Variants in KCNN3 observed in about 807,000 individuals in gnomAD.
KCNN3 encodes small conductance calcium-activated potassium channel protein 3.
A neutral mutation model predicts 62.9 loss-of-function variants in KCNN3; 16 were observed. The ratio of observed to expected loss-of-function variants is 0.25; its 90% CI spans 0.17 to 0.39. KCNN3 has a LOEUF of 0.39. KCNN3 is among the 10% of genes least tolerant of loss of function. KCNN3 has a pLI of 1.00. For synonymous variants in KCNN3, 370 were observed against 389.2 expected (o/e 0.95, Z 0.58); for missense variants, 599 against 949.4 (o/e 0.63, Z 4.85).
At chr1:154,766,363 T>C (rs2101832787) in intron 3 of KCNN3, among the ~76,000 whole-genome samples, 1 of 142,390 alleles carries the variant, frequency 7.0e-6, no homozygotes, top group East Asian at 2.0e-4. Context: ...ATATTTATTA[T>C]AAATTACAGA....
intron 3 of KCNN3, among the ~76,000 whole-genome samples, chr1:154,761,631 T>C (rs1169793240): frequency 6.6e-6 from 1 of 151,862 alleles, no homozygotes; most frequent in African/African-American, 2.4e-5. Flanking sequence ...CCTACCTTAC[T>C]GTAATTTTCA....
rs78810389 is a variant in KCNN3 at position 154,703,170 on chromosome 1, A to T, written c.*4806T>A. On this transcript the variant is annotated 3_prime_UTR_variant, in exon 8 of 8. Coordinates refer to ENST00000271915, the MANE Select transcript of KCNN3 (RefSeq NM_002249.6). ...ATCTACATATTACTCGTCTAACAGG[A>T]GTTTAACATTAATTTCTATTCATGC... The T allele has an allele frequency of 3.4e-4, 51 of 152,218 alleles. No individual in the cohort carries two copies. The highest frequency in any genetic ancestry group is 1.2e-3 in the African/African-American group (50 of 41,526). 9.4% of individuals were successfully genotyped at this position (152,218 alleles called of 1,614,324 possible).
rs1332361881 is a variant in KCNN3, at chr1:154,809,596, G to T, written c.1029+12493C>A. ...GTTTAGATGAAGCTATTATACTCAG[G>T]CTCATCACATGTGGGAGGGCAGGAA... On this transcript the variant is annotated intron_variant, in intron 2 of 7. Transcript: ENST00000271915. This position sits in a 1 kb window ranked among gnomAD's most constrained non-coding sequence, Gnocchi z 4.3. Among the ~76,000 whole-genome samples the T allele has an allele frequency of 6.6e-6, 1 of 152,220 alleles. No homozygotes were observed. Among genetic ancestry groups the T allele is most frequent in the African/African-American group, 2.4e-5 (1 of 41,458 alleles).
chr1:154,805,962 C>T (rs1002395751), intron 2 of KCNN3, among the ~76,000 whole-genome samples: 1 of 152,148 alleles, frequency 6.6e-6, no homozygotes, highest in Non-Finnish European at 1.5e-5. Flanking sequence ...AACATAATGA[C>T]AGGGATCCTT....
intron 7 of KCNN3, among the ~76,000 whole-genome samples, chr1:154,711,628 C>T (rs1189487346): frequency 6.6e-6 from 1 of 152,038 alleles, no homozygotes; most frequent in Non-Finnish European, 1.5e-5. Context: ...CATCCTGGGG[C>T]AGTTTGTTGG....
intron 7 of KCNN3, among the ~76,000 whole-genome samples, chr1:154,712,358 C>T (rs1700096420): frequency 6.6e-6 from 1 of 152,066 alleles, no homozygotes; most frequent in African/African-American, 2.4e-5. Flanking sequence ...CTCCTAGGAA[C>T]CACCCTGCAC....
intron 2 of KCNN3, among the ~76,000 whole-genome samples, chr1:154,791,228 CA>C (rs534142359): frequency 0.069 from 4,092 of 59,682 alleles, 166 homozygotes; most frequent in African/African-American, 0.2. Context: ...GACTCCATCT[CA>C]AAAAAAAAAA....
At chr1:154,786,409 A>G (rs962456022) in intron 2 of KCNN3, among the ~76,000 whole-genome samples, 1 of 152,248 alleles carries the variant, frequency 6.6e-6, no homozygotes, top group African/African-American at 2.4e-5. Context: ...ATACACATCA[A>G]TAGGGAAACA....
intron 3 of KCNN3, among the ~76,000 whole-genome samples, 153 bp from the exon 4 acceptor site, chr1:154,733,297 G>A (rs1700638253): frequency 6.6e-6 from 1 of 152,176 alleles, no homozygotes; most frequent in Admixed American, 6.5e-5. Flanking sequence ...GGCTACTGAA[G>A]GGGCTGCAAC....
chr1:154,833,376 A>G lies in KCNN3; in HGVS notation c.934-11192T>C, dbSNP rs368209662. 3.9e-4 allele frequency among the ~76,000 whole-genome samples: 59 copies of G among 152,338 alleles called. No individual in the cohort carries two copies. The East Asian group carries it at 0.01, about 26-fold the overall frequency. ...TCTGGAGGCTGTTCTGGAGTTTCCC[A>G]GATAAAGAACAGCCTCGTCCGTGTT... On this transcript the variant is annotated intron_variant, in intron 1 of 7. Transcript: ENST00000271915.
At position 154,707,453 on chromosome 1, in the gene KCNN3, A is replaced by C. The variant is rs1699986294; in HGVS notation, c.*523T>G. ...TTTTTTTTTTTTTCAGTCTGATTCG[A>C]GTATATCTGTTTTGGCAAGTTGTGG... On this transcript the variant is annotated 3_prime_UTR_variant, in exon 8 of 8. Coordinates refer to ENST00000271915, the MANE Select transcript of KCNN3 (RefSeq NM_002249.6). 7.3e-6 allele frequency: 1 copy of C among 136,102 alleles called. No individual in the cohort carries two copies. The highest frequency in any genetic ancestry group is 2.7e-5 in the African/African-American group (1 of 36,460). The allele number at this position is 136,102 out of a possible 1,614,324, so 8.4% of individuals were successfully genotyped here. A position where few individuals can be genotyped will look rare whatever the true frequency, so the allele number is the denominator to read the frequency against.
intron 1 of KCNN3, among the ~76,000 whole-genome samples, chr1:154,839,296 T>C (rs768355262): frequency 5.3e-5 from 8 of 152,162 alleles, no homozygotes; most frequent in Non-Finnish European, 1.2e-4. Flanking sequence ...TCTGCGTACC[T>C]ACACCAGAAG....
intron 2 of KCNN3, among the ~76,000 whole-genome samples, chr1:154,791,101 T>C (rs950801069): frequency 4.6e-5 from 7 of 151,782 alleles, no homozygotes; most frequent in Non-Finnish European, 4.4e-5. Context: ...TGGTGGTGCA[T>C]GTCTGTAATC....
chr1:154,821,131 A>G (rs999666940), intron 2 of KCNN3, among the ~76,000 whole-genome samples: 3 of 152,216 alleles, frequency 2.0e-5, no homozygotes, highest in Admixed American at 1.3e-4. Context: ...CAGGAAGGTC[A>G]CAGGGCTGGC....
intron 5 of KCNN3, among the ~76,000 whole-genome samples, chr1:154,725,199 T>C (rs1281312503): frequency 6.6e-6 from 1 of 152,202 alleles, no homozygotes; most frequent in African/African-American, 2.4e-5. Flanking sequence ...TAGACTTAGG[T>C]ACATTTTCAA....
chr1:154,821,720 T>A (rs1187580159), intron 2 of KCNN3, among the ~76,000 whole-genome samples: 3 of 152,042 alleles, frequency 2.0e-5, no homozygotes, highest in Admixed American at 1.3e-4. Context: ...ATGAACTGAG[T>A]GGCCCAAGTT....
chr1:154,830,481 G>C (rs1434571399), intron 1 of KCNN3, among the ~76,000 whole-genome samples: 1 of 152,250 alleles, frequency 6.6e-6, no homozygotes, highest in Non-Finnish European at 1.5e-5. Flanking sequence ...GGCTTTAGTG[G>C]TGTGATAGAT....
chr1:154,868,365 C>A, intron 1 of KCNN3: 1 of 988,170 alleles, frequency 1.0e-6, no homozygotes. Context: ...TATATTTTTA[C>A]CCCATGCCCT....
At chr1:154,860,429 C>T (rs571427665) in intron 1 of KCNN3, among the ~76,000 whole-genome samples, 4 of 152,132 alleles carry the variant, frequency 2.6e-5, no homozygotes, top group Non-Finnish European at 4.4e-5. Flanking sequence ...TCCACCTGTC[C>T]GATTTGCATG....
Sources: gnomAD v4.1 joint callset for allele counts (sites outside exome capture counted in the v4.1 genomes callset) on GRCh38, gnomAD v4.1.1 for gene constraint, Gnocchi (gnomAD v3.1) non-coding constraint, MANE v1.5 for transcripts, NCBI Gene and HGNC (gene_info 2026-07-23, HGNC 2026-07-21) for gene names.